The following ZYX variants were observed in gnomAD, a reference collection of about 807,000 sequenced individuals.
The protein encoded by ZYX is zyxin-2.
Under a neutral mutation model 58.1 loss-of-function variants are expected in ZYX, and 37 were observed. The ratio of observed to expected loss-of-function variants is 0.64; its 90% CI spans 0.49 to 0.84. The LOEUF is 0.84. ZYX is among the 40% of genes least tolerant of loss of function. The pLI is 0.00. For synonymous variants in ZYX, 324 were observed against 321.1 expected (o/e 1.01, Z -0.10); for missense variants, 762 against 761.6 (o/e 1.00, Z -0.01).
rs932869401 is a variant in ZYX, at chr7:143,389,652, T to G, written c.1494-205T>G. 1.3e-4 allele frequency among the ~76,000 whole-genome samples: 20 copies of G among 152,106 alleles called. No individual in the cohort carries two copies. Among genetic ancestry groups the G allele is most frequent in the African/African-American group, 4.8e-4 (20 of 41,414 alleles). Reference sequence around the variant, plus strand: ...AGGTGTGTGGGAGGCTCCCTTGCTTTGGGAGAGTGACTGGTGAGGCAGGAA... The same window carrying G: ...AGGTGTGTGGGAGGCTCCCTTGCTTGGGGAGAGTGACTGGTGAGGCAGGAA... On this transcript the variant is annotated intron_variant, in intron 8 of 9. Transcript: ENST00000322764. The surrounding 1 kb of genome is among the most constrained non-coding windows in gnomAD (Gnocchi z 5.6).
chr7:143,383,428 GGGGGTTGC>G lies in ZYX; in HGVS notation c.1023+112_1023+119del, dbSNP rs1225003239. 58 of 1,360,448 alleles carry G rather than the reference GGGGGTTGC, an allele frequency of 4.3e-5. No homozygotes were observed. The African/African-American group carries it at 6.9e-4, about 16-fold the overall frequency. 84.3% of individuals were successfully genotyped at this position (1,360,448 alleles called of 1,614,324 possible). A position where few individuals can be genotyped will look rare whatever the true frequency, so the allele number is the denominator to read the frequency against. ...GTGATTGGAGAGTCAGGGTGGACAC[GGGGGTTGC>G]GGGGTGGCGGGATAGGAATTTTCAT... On this transcript the variant is annotated intron_variant, in intron 5 of 9. Coordinates refer to ENST00000322764, the MANE Select transcript of ZYX (RefSeq NM_003461.5).
At chr7:143,386,096 G>T (rs1804856196) in intron 5 of ZYX, among the ~76,000 whole-genome samples, 1 of 151,838 alleles carries the variant, frequency 6.6e-6, no homozygotes, top group Admixed American at 6.6e-5. Flanking sequence ...TGGTATGTGG[G>T]TATGTGTGAG....
chr7:143,385,582 ATACT>A (rs752061857), intron 5 of ZYX, among the ~76,000 whole-genome samples: 2 of 150,320 alleles, frequency 1.3e-5, no homozygotes, highest in Admixed American at 1.3e-4. Context: ...GTGCACATAC[ATACT>A]TTCTTACAAA....
rs896244621 is a variant in ZYX, at chr7:143,390,539, C to T, written c.1615-39C>T. On this transcript the variant is annotated intron_variant, in intron 9 of 9. Coordinates refer to ENST00000322764, the MANE Select transcript of ZYX (RefSeq NM_003461.5). The surrounding 1 kb of genome is among the most constrained non-coding windows in gnomAD (Gnocchi z 4.3). ...GGGGTAGGGTGGAGCAGAGCAGGGG[C>T]CTTCCGGTCCAGTGCCCCTCACCCT... 2.1e-6 allele frequency: 3 copies of T among 1,460,458 alleles called. No homozygotes were observed. Among genetic ancestry groups the T allele is most frequent in the Non-Finnish European group, 1.9e-6 (2 of 1,065,310 alleles). The allele number at this position is 1,460,458 out of a possible 1,614,324, so 90.5% of individuals were successfully genotyped here.
rs770562804 is a variant in ZYX at position 143,383,054 on chromosome 7, C to T, written c.755C>T (p.Pro252Leu). ...CCTGTGTCTTTGGCTAACACCCAGC[C>T]CCGAGGGCCCCCAGCCTCATCTCCG... ...TQPVSLANTQPRGPPASSPAP... is the reference protein window; with the variant it reads ...TQPVSLANTQLRGPPASSPAP... Residue 252 changes from proline to leucine, a missense_variant, in exon 5 of 10, where the codon CCC becomes CTC. Transcript: ENST00000322764. The T allele has an allele frequency of 3.7e-5, 60 of 1,614,080 alleles. No homozygotes were observed. The highest frequency in any genetic ancestry group is 4.9e-5 in the Non-Finnish European group (58 of 1,180,046).
chr7:143,387,843 G>A lies in ZYX; in HGVS notation c.1024-376G>A. ...TTGCGTGCCCCTGTCCCATGGGGGC[G>A]ATGTCCGAGCATGCTCTGTGGAGTT... On this transcript the variant is annotated intron_variant, in intron 5 of 9. Transcript: ENST00000322764. This position sits in a 1 kb window ranked among gnomAD's most constrained non-coding sequence, Gnocchi z 5.8. The A allele has an allele frequency of 2.1e-6, 1 of 483,720 alleles. No homozygotes were observed. The highest frequency in any genetic ancestry group is 2.0e-5 in the African/African-American group (1 of 50,802). The allele number at this position is 483,720 out of a possible 1,614,324, so 30.0% of individuals were successfully genotyped here.
In ZYX at chr7:143,389,599, A is replaced by G. The variant is rs1804996458; in HGVS notation, c.1494-258A>G. On this transcript the variant is annotated intron_variant, in intron 8 of 9. Coordinates refer to ENST00000322764, the MANE Select transcript of ZYX (RefSeq NM_003461.5). The surrounding 1 kb of genome is among the most constrained non-coding windows in gnomAD (Gnocchi z 5.6). Reference sequence around the variant, plus strand: ...GAGCTGCAGTGTGAATGGGACAGTAAGGGTCGAGTGGGAGAGAACACCGTG... The same window carrying G: ...GAGCTGCAGTGTGAATGGGACAGTAGGGGTCGAGTGGGAGAGAACACCGTG... Among the ~76,000 whole-genome samples the G allele has an allele frequency of 6.6e-6, 1 of 152,150 alleles. No homozygotes were observed. Among genetic ancestry groups the G allele is most frequent in the Non-Finnish European group, 1.5e-5 (1 of 68,026 alleles).
chr7:143,385,996 ATGTGTGAG>A (rs953616521), intron 5 of ZYX, among the ~76,000 whole-genome samples: 5 of 150,010 alleles, frequency 3.3e-5, no homozygotes, highest in African/African-American at 1.2e-4. Flanking sequence ...GGTATGGTAT[ATGTGTGAG>A]TGTGTGTGTG....
rs759222604 is a variant in ZYX, at chr7:143,388,243, C to T, written c.1048C>T (p.Pro350Ser). Residue 350 changes from proline (P) to serine (S), a missense_variant, in exon 6 of 10, where the codon CCC (proline) becomes TCC (serine). Transcript: ENST00000322764. This position sits in a 1 kb window ranked among gnomAD's most constrained non-coding sequence, Gnocchi z 7.5. ...NQVRSPGAPGPLTLKEVEELE... is the reference protein window; with the variant it reads ...NQVRSPGAPGSLTLKEVEELE... The stretch of plus-strand genomic sequence containing the variant: ...GGTGCGCTCCCCTGGGGCCCCAGGG[C>T]CCCTGACTCTGAAGGAGGTGGAGGA... 1.5e-5 allele frequency: 24 copies of T among 1,610,552 alleles called. No homozygotes were observed. The East Asian group carries it at 5.4e-4, about 36-fold the overall frequency.
chr7:143,383,613 T>C (rs902176398), intron 5 of ZYX, among the ~76,000 whole-genome samples: 1 of 152,150 alleles, frequency 6.6e-6, no homozygotes, highest in African/African-American at 2.4e-5. Context: ...TCCTTGTGCC[T>C]TTACCCCAGA....
Position 143,388,083 on chromosome 7 carries a change from C to A in ZYX, c.1024-136C>A. The A allele has an allele frequency of 9.2e-7, 1 of 1,092,430 alleles. No individual in the cohort carries two copies. The allele number at this position is 1,092,430 out of a possible 1,614,324, so 67.7% of individuals were successfully genotyped here. On this transcript the variant is annotated intron_variant, in intron 5 of 9. Transcript: ENST00000322764. This position sits in a 1 kb window ranked among gnomAD's most constrained non-coding sequence, Gnocchi z 7.5. ...CGGGGGTAGGGGGACGAGGGAGAAG[C>A]TTTAAGGGTCAAGCCTGAGCATCTG...
chr7:143,388,183 G>A lies in ZYX; in HGVS notation c.1024-36G>A, dbSNP rs757828181. 17 of 1,563,726 alleles carry A rather than the reference G, an allele frequency of 1.1e-5. No individual in the cohort carries two copies. Among genetic ancestry groups the A allele is most frequent in the Non-Finnish European group, 1.3e-5 (15 of 1,154,456 alleles). On this transcript the variant is annotated intron_variant, in intron 5 of 9. Transcript: ENST00000322764. This position sits in a 1 kb window ranked among gnomAD's most constrained non-coding sequence, Gnocchi z 7.5. ...CCTGGGAAGGTTCTTGGAGGCAGCA[G>A]CCCTCTAGAGTGTGAGGAAAATGTT...
In ZYX at chr7:143,390,963, G is replaced by C; in HGVS notation, c.*281G>C. 2.2e-6 allele frequency: 1 copy of C among 452,966 alleles called. No homozygotes were observed. The highest frequency in any genetic ancestry group is 2.5e-5 in the South Asian group (1 of 39,950). 28.1% of individuals were successfully genotyped at this position (452,966 alleles called of 1,614,324 possible). On this transcript the variant is annotated 3_prime_UTR_variant, in exon 10 of 10. Transcript: ENST00000322764. The surrounding 1 kb of genome is among the most constrained non-coding windows in gnomAD (Gnocchi z 4.3). The stretch of plus-strand genomic sequence containing the variant: ...CAGGTTTAGTGCTGCTGCTTTCACT[G>C]CTGCACCCGCGCCCTCGGCCGGCCC...
Position 143,389,725 on chromosome 7 carries a change from C to A in ZYX, c.1494-132C>A. The A allele has an allele frequency of 7.5e-7, 1 of 1,335,038 alleles. No individual in the cohort carries two copies. Among genetic ancestry groups the A allele is most frequent in the Non-Finnish European group, 1.0e-6 (1 of 982,328 alleles). 82.7% of individuals were successfully genotyped at this position (1,335,038 alleles called of 1,614,324 possible). On this transcript the variant is annotated intron_variant, in intron 8 of 9. Coordinates refer to ENST00000322764, the MANE Select transcript of ZYX (RefSeq NM_003461.5). The surrounding 1 kb of genome is among the most constrained non-coding windows in gnomAD (Gnocchi z 5.6). ...CATGGTGTCTCACTCTTAGGCCCTT[C>A]TGGTGAGCTTCCTTCACCTGGAGAT... is the stretch of plus-strand genomic sequence containing the variant.
Position 143,383,197 on chromosome 7 carries a change from G to A in ZYX, c.898G>A (p.Glu300Lys), listed in dbSNP as rs368759415. ...SQPNQKLGHP[E>K]ALSAGTGSPQ... ...ACCAAATCAAAAATTGGGGCACCCC[G>A]AAGCTCTTTCTGCTGGCACAGGCTC... Residue 300 changes from glutamate to lysine, a missense_variant, in exon 5 of 10, where the codon GAA becomes AAA. Glu to Lys is a moderately conservative substitution (Grantham distance 56). Transcript: ENST00000322764. The A allele has an allele frequency of 3.9e-5, 63 of 1,614,074 alleles. No individual in the cohort carries two copies. The Middle Eastern group carries it at 8.2e-4, about 21-fold the overall frequency.
In ZYX at chr7:143,387,885, G is replaced by A; in HGVS notation, c.1024-334G>A. ...TGTGGAGTTGATGCGTGGCCCTGGA[G>A]TGTCCGGTGCTTCAGTGACCCGAGC... On this transcript the variant is annotated intron_variant, in intron 5 of 9. Coordinates refer to ENST00000322764, the MANE Select transcript of ZYX (RefSeq NM_003461.5). This position sits in a 1 kb window ranked among gnomAD's most constrained non-coding sequence, Gnocchi z 5.8. 1 of 500,926 alleles carries A rather than the reference G, an allele frequency of 2.0e-6. No homozygotes were observed. Among genetic ancestry groups the A allele is most frequent in the Non-Finnish European group, 4.0e-6 (1 of 252,092 alleles). The allele number at this position is 500,926 out of a possible 1,614,324, so 31.0% of individuals were successfully genotyped here.
Position 143,390,339 on chromosome 7 carries a change from G to A in ZYX, c.1615-239G>A, listed in dbSNP as rs34824368. On this transcript the variant is annotated intron_variant, in intron 9 of 9. Coordinates refer to ENST00000322764, the MANE Select transcript of ZYX (RefSeq NM_003461.5). This position sits in a 1 kb window ranked among gnomAD's most constrained non-coding sequence, Gnocchi z 4.3. Reference sequence around the variant, plus strand: ...ATTTTATTAGGGTGGTGGTGGGCAGGGGAGCAAGCACCTTGGGAGCAGCTC... The same window carrying A: ...ATTTTATTAGGGTGGTGGTGGGCAGAGGAGCAAGCACCTTGGGAGCAGCTC... 0.18 allele frequency: 101,397 copies of A among 569,484 alleles called. 9,911 individuals carry two copies. The highest frequency in any genetic ancestry group is 0.21 in the Non-Finnish European group (67,053 of 317,598). 35.3% of individuals were successfully genotyped at this position (569,484 alleles called of 1,614,324 possible).
At chr7:143,385,450 TGTGTGTA>T (rs1804820246) in intron 5 of ZYX, among the ~76,000 whole-genome samples, 1 of 151,756 alleles carries the variant, frequency 6.6e-6, no homozygotes, top group South Asian at 2.1e-4. Context: ...TGGCGTGTGA[TGTGTGTA>T]GTGTGATTGT....
At chr7:143,381,532 T>A in intron 1 of ZYX, 25 bp from the exon 2 acceptor site, 2 of 1,590,210 alleles carry the variant, frequency 1.3e-6, no homozygotes, top group South Asian at 2.3e-5. Context: ...GGCTCCGCGC[T>A]GCGTAACCCG....
Sources: allele counts gnomAD v4.1 joint callset (sites outside exome capture counted in the v4.1 genomes callset), GRCh38; gene constraint gnomAD v4.1.1; non-coding constraint Gnocchi (gnomAD v3.1); transcripts MANE v1.5; gene names NCBI Gene and HGNC (gene_info 2026-07-23, HGNC 2026-07-21).